GCM2: variants seen among roughly 807,000 people sequenced by gnomAD.
The protein encoded by GCM2 is GCM transcription factor 2, also known as chorion-specific transcription factor GCMb.
GCM2 carries 21 observed loss-of-function variants against 24.8 expected under a neutral mutation model. The ratio of observed to expected loss-of-function variants is 0.85; its 90% CI spans 0.60 to 1.22. The LOEUF is 1.22. Among genes scored for constraint, GCM2 ranks in the 50% most tolerant of loss-of-function variants. The pLI is 0.00. For missense variants in GCM2, 532 were observed against 645.6 expected, an observed-to-expected ratio of 0.82 and a Z score of 1.91; for synonymous variants, 222 against 238.0, an observed-to-expected ratio of 0.93 and a Z score of 0.62.
chr6:10,875,987 T>C lies in GCM2; in HGVS notation c.486A>G (p.Pro162=). The C allele has an allele frequency of 3.1e-6, 5 of 1,614,000 alleles. No individual in the cohort carries two copies. The highest frequency in any genetic ancestry group is 4.2e-6 in the Non-Finnish European group (5 of 1,179,844). Residue 162 remains proline, a synonymous_variant, in exon 4 of 5, where the codon CCA becomes CCG. Coordinates refer to ENST00000379491, the MANE Select transcript of GCM2 (RefSeq NM_004752.4). ...TAGCTTCTGTCTCTGATTTGCTCTC[T>C]GGTCTTGGATGATCATGAACTCCCT... ...QAKGVHDHPR[P]ESKSETEARR... is the part of the protein sequence containing the mutation.
At position 10,874,311 on chromosome 6, in the gene GCM2, C is replaced by T; in HGVS notation, c.1205G>A (p.Ser402Asn). 6.2e-7 allele frequency: 1 copy of T among 1,614,226 alleles called. No individual in the cohort carries two copies. The highest frequency in any genetic ancestry group is 1.1e-5 in the South Asian group (1 of 91,084). ...QAYQPPAMKY[S>N]DSVREVKSLS... ...GCTCTTCACCTCTCGCACACTGTCACTGTATTTCATAGCAGGGGGCTGGTA... is the reference window on the plus strand; with the variant it reads ...GCTCTTCACCTCTCGCACACTGTCATTGTATTTCATAGCAGGGGGCTGGTA... The change falls in exon 5 of 5, where the codon AGT becomes AAT. Residue 402 changes from serine to asparagine, a missense_variant. Physicochemically the swap from Ser to Asn is conservative, Grantham distance 46 (BLOSUM62 1). Coordinates refer to ENST00000379491, the MANE Select transcript of GCM2 (RefSeq NM_004752.4).
In GCM2 at chr6:10,874,010, G is replaced by A; in HGVS notation, c.1506C>T (p.Asn502=). 6.2e-7 allele frequency: 1 copy of A among 1,613,520 alleles called. No individual in the cohort carries two copies. The highest frequency in any genetic ancestry group is 2.2e-5 in the East Asian group (1 of 44,882). The part of the protein sequence containing the change: ...SDRVGPFFTY[N]NEDF ...GGATTGTCTTTCAAAAATCCTCATTGTTGTAGGTAAAGAAGGGACCCACTC... is the reference window on the plus strand; with the variant it reads ...GGATTGTCTTTCAAAAATCCTCATTATTGTAGGTAAAGAAGGGACCCACTC... The change falls in exon 5 of 5, where the codon AAC becomes AAT. Residue 502 remains asparagine, a synonymous_variant. Coordinates refer to ENST00000379491, the MANE Select transcript of GCM2 (RefSeq NM_004752.4).
rs79994101 is a variant in GCM2 at position 10,881,651 on chromosome 6, C to T, written c.90+53G>A. The T allele has an allele frequency of 8.5e-3, 10,171 of 1,190,600 alleles. 350 individuals are homozygous for T. The highest frequency in any genetic ancestry group is 0.084 in the African/African-American group (5,417 of 64,730). The allele number at this position is 1,190,600 out of a possible 1,614,324, so 73.8% of individuals were successfully genotyped here. A position where few individuals can be genotyped will look rare whatever the true frequency, so the allele number is the denominator to read the frequency against. ...CTTCAAGAACTCGAATGCCATTCTC[C>T]CTCCTTCGGATGGACAGCGCCCCGC... On this transcript the variant is annotated intron_variant, in intron 1 of 4. Transcript: ENST00000379491.
chr6:10,879,510 C>T (rs1426793202), intron 1 of GCM2, among the ~76,000 whole-genome samples: 5 of 152,160 alleles, frequency 3.3e-5, no homozygotes, highest in South Asian at 4.1e-4. Context: ...TGAACCTGAT[C>T]GTAGACCTGG....
chr6:10,874,733 G>A lies in GCM2; in HGVS notation c.783C>T (p.Tyr261=), dbSNP rs534221748. The change falls in exon 5 of 5, where the codon TAC becomes TAT. Residue 261 remains tyrosine, a synonymous_variant. Transcript: ENST00000379491. ...TAGGCAAATAGATTCTTGGGCTTGA[G>A]TATTTCTGGAAGGGTGGCATTTTGT... The part of the protein sequence containing the change: ...QGDKMPPFQK[Y]SSPRIYLPRP... The A allele has an allele frequency of 1.1e-5, 18 of 1,614,128 alleles. No individual in the cohort carries two copies. In the South Asian group the frequency reaches 1.9e-4, roughly 17 times the overall value.
intron 4 of GCM2, among the ~76,000 whole-genome samples, chr6:10,875,424 A>G (rs1050796105): frequency 3.3e-5 from 5 of 152,236 alleles, no homozygotes; most frequent in African/African-American, 1.2e-4. Context: ...GAAGTGCTGG[A>G]AAATGTCAGC....
chr6:10,873,894 C>A lies in GCM2; in HGVS notation c.*101G>T. 1 of 898,060 alleles carries A rather than the reference C, an allele frequency of 1.1e-6. No homozygotes were observed. The highest frequency in any genetic ancestry group is 1.4e-5 in the South Asian group (1 of 72,740). The allele number at this position is 898,060 out of a possible 1,614,324, so 55.6% of individuals were successfully genotyped here. Reference sequence around the variant, plus strand: ...TTACTACTATCTGTGTTTCTTTGCACACAAGGTGAATCTCCCAACTCAATA... The same window carrying A: ...TTACTACTATCTGTGTTTCTTTGCAAACAAGGTGAATCTCCCAACTCAATA... On this transcript the variant is annotated 3_prime_UTR_variant, in exon 5 of 5. Transcript: ENST00000379491.
At chr6:10,879,659 G>A (rs893919002) in intron 1 of GCM2, among the ~76,000 whole-genome samples, 5 of 152,152 alleles carry the variant, frequency 3.3e-5, no homozygotes, top group Admixed American at 1.3e-4. Context: ...AGAGCAGGGC[G>A]ATGCTAAGTT....
chr6:10,877,133 T>C lies in GCM2; in HGVS notation c.343+7A>G. On this transcript the variant is annotated splice_region_variant and intron_variant, in intron 2 of 4. Transcript: ENST00000379491. The stretch of plus-strand genomic sequence containing the variant: ...AGGTCACCCTCTCCCTGGCCCCATG[T>C]CCTCACTCTGCTGTTTCAGCCGTGC... The C allele has an allele frequency of 6.2e-7, 1 of 1,610,768 alleles. No individual in the cohort carries two copies. The highest frequency in any genetic ancestry group is 2.2e-5 in the East Asian group (1 of 44,880).
Position 10,876,013 on chromosome 6 carries a change from T to G in GCM2, c.460A>C (p.Lys154Gln), listed in dbSNP as rs1164374348. Residue 154 changes from lysine (K) to glutamine (Q), a missense_variant, in exon 4 of 5, where the codon AAG (lysine) becomes CAG (glutamine). Coordinates refer to ENST00000379491, the MANE Select transcript of GCM2 (RefSeq NM_004752.4). ...LDGNAIFFQA[K>Q]GVHDHPRPES... is the part of the protein sequence containing the mutation. ...GGTCTTGGATGATCATGAACTCCCTTGGCCTGCGATAACGAGAAAATGAAT... is the reference window on the plus strand; with the variant it reads ...GGTCTTGGATGATCATGAACTCCCTGGGCCTGCGATAACGAGAAAATGAAT... 1 of 1,614,100 alleles carries G rather than the reference T, an allele frequency of 6.2e-7. No homozygotes were observed. Among genetic ancestry groups the G allele is most frequent in the Admixed American group, 1.7e-5 (1 of 60,022 alleles).
chr6:10,881,687 A>C lies in GCM2; in HGVS notation c.90+17T>G. 1 of 1,599,634 alleles carries C rather than the reference A, an allele frequency of 6.3e-7. No homozygotes were observed. Among genetic ancestry groups the C allele is most frequent in the Non-Finnish European group, 8.6e-7 (1 of 1,169,512 alleles). On this transcript the variant is annotated intron_variant, in intron 1 of 4. Transcript: ENST00000379491. ...TGGACAGCGCCCCGCGTGCCCGCAC[A>C]CACCCGGTTCACTTACCTGAGGCAT...
rs35911329 is a variant in GCM2 at position 10,881,554 on chromosome 6, A to ATGTGTGTG, written c.90+142_90+149dup. On this transcript the variant is annotated intron_variant, in intron 1 of 4. Coordinates refer to ENST00000379491, the MANE Select transcript of GCM2 (RefSeq NM_004752.4). ...TCAGAAACCCAGAAATTTTGCGGGT[A>ATGTGTGTG]TGTGTGTGTGTGTGTGTGTGTGTGT... 482 of 430,844 alleles carry ATGTGTGTG rather than the reference A, an allele frequency of 1.1e-3. 14 individuals are homozygous for ATGTGTGTG. Among genetic ancestry groups the ATGTGTGTG allele is most frequent in the African/African-American group, 5.7e-3 (215 of 38,026 alleles). The allele number at this position is 430,844 out of a possible 1,614,324, so 26.7% of individuals were successfully genotyped here. A position where few individuals can be genotyped will look rare whatever the true frequency, so the allele number is the denominator to read the frequency against.
intron 1 of GCM2, among the ~76,000 whole-genome samples, chr6:10,879,456 T>G (rs566602877): frequency 6.6e-6 from 1 of 152,300 alleles, no homozygotes; most frequent in South Asian, 2.1e-4. Context: ...TGCTCTCAAG[T>G]GTTGGCATGT....
intron 2 of GCM2, 25 bp downstream of exon 2, chr6:10,877,115 C>T (rs1327178248): frequency 1.9e-6 from 3 of 1,607,840 alleles, no homozygotes; most frequent in East Asian, 2.2e-5. Flanking sequence ...CCAAGGTCAC[C>T]CTCTCCCTGG....
chr6:10,880,116 G>T (rs915314180), intron 1 of GCM2, among the ~76,000 whole-genome samples: 1 of 152,132 alleles, frequency 6.6e-6, no homozygotes, highest in Admixed American at 6.5e-5. Context: ...TTAGCTGGGC[G>T]TGGTGGCGCA....
rs768007634 is a variant in GCM2 at position 10,875,872 on chromosome 6, A to G, written c.582+19T>C. 1 of 1,613,012 alleles carries G rather than the reference A, an allele frequency of 6.2e-7. No individual in the cohort carries two copies. Among genetic ancestry groups the G allele is most frequent in the Non-Finnish European group, 8.5e-7 (1 of 1,179,090 alleles). On this transcript the variant is annotated intron_variant, in intron 4 of 4. Coordinates refer to ENST00000379491, the MANE Select transcript of GCM2 (RefSeq NM_004752.4). ...TGAAAATGAGCTGAGACCACTGTGCACTATCAGCTCCCTGTTACCTCGGAT... is the reference window on the plus strand; with the variant it reads ...TGAAAATGAGCTGAGACCACTGTGCGCTATCAGCTCCCTGTTACCTCGGAT...
Position 10,875,897 on chromosome 6 carries a change from T to A in GCM2, c.576A>T (p.Glu192Asp), listed in dbSNP as rs1378701322. The change falls in exon 4 of 5, where the codon GAA becomes GAT. Residue 192 changes from glutamate (E) to aspartate (D), a missense_variant. By Grantham distance (45) the Glu-to-Asp change is conservative. Coordinates refer to ENST00000379491, the MANE Select transcript of GCM2 (RefSeq NM_004752.4). ...ACTATCAGCTCCCTGTTACCTCGGA[T>A]TCTCGAATTCTCTTTTTCTGGGGTT... Reference protein sequence around the residue: ...FYQPQKKRIRESEAEENQDSS... With the variant: ...FYQPQKKRIRDSEAEENQDSS... 6.2e-7 allele frequency: 1 copy of A among 1,614,130 alleles called. No individual in the cohort carries two copies. The highest frequency in any genetic ancestry group is 8.5e-7 in the Non-Finnish European group (1 of 1,179,976).
In GCM2 at chr6:10,874,780, C is replaced by T; in HGVS notation, c.736G>A (p.Asp246Asn). The change falls in exon 5 of 5, where the codon GAC becomes AAC. Residue 246 changes from aspartate to asparagine, a missense_variant. Asp to Asn is a conservative substitution (Grantham distance 23). This residue lies in a region of GCM2 where 434 missense variants were observed against 521.9 expected (regional missense o/e 0.83). Transcript: ENST00000379491. ...PKSDVYKATC[D>N]LATFQGDKMP... ...TTGTCTCCTTGAAAGGTGGCTAGGT[C>T]ACAGGTAGCTTTGTAAACATCAGAC... 5 of 1,613,826 alleles carry T rather than the reference C, an allele frequency of 3.1e-6. No individual in the cohort carries two copies. Among genetic ancestry groups the T allele is most frequent in the Non-Finnish European group, 4.2e-6 (5 of 1,179,880 alleles).
chr6:10,877,090 A>G (rs371157929), intron 2 of GCM2, 50 bp downstream of exon 2: 4 of 1,600,578 alleles, frequency 2.5e-6, no homozygotes, highest in Non-Finnish European at 2.5e-6. Flanking sequence ...CAACAACAAC[A>G]AAAAACTCAT....
Sources: allele counts gnomAD v4.1 joint callset (sites outside exome capture counted in the v4.1 genomes callset), GRCh38; gene constraint gnomAD v4.1.1; regional missense constraint gnomAD v4.1.1; transcripts MANE v1.5; gene names NCBI Gene and HGNC (gene_info 2026-07-23, HGNC 2026-07-21).